ADAMTS6: variants seen among roughly 807,000 people sequenced by gnomAD.
ADAMTS6 encodes the protein A disintegrin and metalloproteinase with thrombospondin motifs 6.
ADAMTS6 carries 23 observed loss-of-function variants against 144.3 expected under a neutral mutation model. That is an observed-to-expected ratio of 0.16 (90% CI 0.11 to 0.23). ADAMTS6 has a LOEUF of 0.23. Among genes scored for constraint, ADAMTS6 ranks in the 10% least tolerant of loss-of-function variants. The pLI, the probability that ADAMTS6 is intolerant of heterozygous loss-of-function variation, is 1.00. For missense variants in ADAMTS6, 999 were observed against 1,379.6 expected (o/e 0.72, Z 4.37); for synonymous variants, 444 against 457.5 (o/e 0.97, Z 0.38).
At chr5:65,247,086 T>G (rs913107385) in intron 14 of ADAMTS6, among the ~76,000 whole-genome samples, 6 of 152,282 alleles carry the variant, frequency 3.9e-5, no homozygotes, top group African/African-American at 1.4e-4. Flanking sequence ...TGACAGATTT[T>G]CAGCCTTCTA....
At chr5:65,169,805 A>G (rs1056794868) in intron 24 of ADAMTS6, among the ~76,000 whole-genome samples, 2 of 150,352 alleles carry the variant, frequency 1.3e-5, no homozygotes, top group Admixed American at 1.3e-4. Flanking sequence ...CAAACACTGC[A>G]TATTCTCACT....
chr5:65,457,815 A>T (rs1759337397), intron 4 of ADAMTS6, among the ~76,000 whole-genome samples: 1 of 138,940 alleles, frequency 7.2e-6, no homozygotes, highest in Non-Finnish European at 1.5e-5. Flanking sequence ...CAACCGCTGC[A>T]TTCAGGGTTC....
chr5:65,179,564 A>C (rs1447060676), intron 22 of ADAMTS6, among the ~76,000 whole-genome samples: 1 of 152,226 alleles, frequency 6.6e-6, no homozygotes, highest in African/African-American at 2.4e-5. Context: ...GAAAGAGGCT[A>C]TATGGCAGAA....
intron 10 of ADAMTS6, chr5:65,297,217 A>T (rs766271868): frequency 2.4e-5 from 11 of 456,138 alleles, no homozygotes; most frequent in Non-Finnish European, 2.2e-5. Flanking sequence ...TTCATGAACC[A>T]CTTATTGAAT....
chr5:65,223,194 G>A (rs1433562051), intron 18 of ADAMTS6, among the ~76,000 whole-genome samples: 1 of 151,844 alleles, frequency 6.6e-6, no homozygotes, highest in Non-Finnish European at 1.5e-5. Flanking sequence ...TTTTTTTCCA[G>A]CTTTGTTGAG....
intron 7 of ADAMTS6, among the ~76,000 whole-genome samples, chr5:65,348,205 C>T (rs999921763): frequency 1.3e-5 from 2 of 152,116 alleles, no homozygotes; most frequent in Admixed American, 6.6e-5. Flanking sequence ...GCTATCTGCA[C>T]TCCCATGTTC....
At chr5:65,371,943 C>A (rs1318356449) in intron 7 of ADAMTS6, among the ~76,000 whole-genome samples, 1 of 152,034 alleles carries the variant, frequency 6.6e-6, no homozygotes, top group Non-Finnish European at 1.5e-5. Flanking sequence ...ACTCTACAAG[C>A]CAGAAGAGAG....
chr5:65,371,693 CT>C (rs1381267756), intron 7 of ADAMTS6, among the ~76,000 whole-genome samples: 4 of 152,170 alleles, frequency 2.6e-5, no homozygotes, highest in Non-Finnish European at 5.9e-5. Context: ...TTGGAAAACA[CT>C]CTGCAGGATA....
intron 3 of ADAMTS6, among the ~76,000 whole-genome samples, chr5:65,462,328 G>C (rs904439380): frequency 6.6e-6 from 1 of 152,160 alleles, no homozygotes; most frequent in Non-Finnish European, 1.5e-5. Flanking sequence ...GTGGGCACAA[G>C]AAAATTGAAA....
intron 7 of ADAMTS6, among the ~76,000 whole-genome samples, chr5:65,405,000 T>C (rs1426085755): frequency 1.3e-5 from 2 of 152,214 alleles, no homozygotes; most frequent in Non-Finnish European, 2.9e-5. Flanking sequence ...TTGTTTGTTT[T>C]CTTCTTGTAA....
intron 15 of ADAMTS6, among the ~76,000 whole-genome samples, chr5:65,231,272 C>G (rs931179380): frequency 2.0e-5 from 3 of 151,800 alleles, no homozygotes; most frequent in African/African-American, 7.3e-5. Flanking sequence ...TAGTCAAAAA[C>G]TGTAATAAGA....
chr5:65,291,248 A>T, intron 11 of ADAMTS6, 81 bp downstream of exon 11: 1 of 1,493,412 alleles, frequency 6.7e-7, no homozygotes, highest in East Asian at 2.3e-5. Flanking sequence ...GGGAACCGAC[A>T]TTCATCGTAA....
At chr5:65,315,042 G>A (rs1202486449) in intron 9 of ADAMTS6, among the ~76,000 whole-genome samples, 2 of 151,796 alleles carry the variant, frequency 1.3e-5, no homozygotes, top group African/African-American at 2.4e-5. Context: ...AAACACTAAG[G>A]CTAAAATAAA....
At chr5:65,474,898 C>T (rs2150290024) in intron 1 of ADAMTS6, among the ~76,000 whole-genome samples, 1 of 148,432 alleles carries the variant, frequency 6.7e-6, no homozygotes, top group South Asian at 2.2e-4. Flanking sequence ...CATAGTTTAA[C>T]AGTTCCTATT....
At chr5:65,339,255 C>T (rs1317574027) in intron 7 of ADAMTS6, among the ~76,000 whole-genome samples, 1 of 152,138 alleles carries the variant, frequency 6.6e-6, no homozygotes, top group Non-Finnish European at 1.5e-5. Context: ...ATGTGAATTA[C>T]AGCTGAAGAA....
At chr5:65,162,875 G>A (rs1329748408) in intron 24 of ADAMTS6, among the ~76,000 whole-genome samples, 1 of 152,118 alleles carries the variant, frequency 6.6e-6, no homozygotes. Context: ...ATCATTTGCT[G>A]GAGTCTTACA....
chr5:65,284,945 G>T (rs1763250105), intron 11 of ADAMTS6, among the ~76,000 whole-genome samples: 1 of 151,956 alleles, frequency 6.6e-6, no homozygotes, highest in African/African-American at 2.4e-5. Context: ...AGTATAAAAA[G>T]AATAAATTCT....
At chr5:65,282,331 GGAATCAATA>G (rs887659723) in intron 11 of ADAMTS6, among the ~76,000 whole-genome samples, 1 of 152,044 alleles carries the variant, frequency 6.6e-6, no homozygotes, top group African/African-American at 2.4e-5. Flanking sequence ...CTAAAGACCT[GGAATCAATA>G]GAAGAGAATG....
chr5:65,255,416 T>C (rs959834294), intron 14 of ADAMTS6, among the ~76,000 whole-genome samples: 3 of 152,046 alleles, frequency 2.0e-5, no homozygotes, highest in African/African-American at 7.2e-5. Flanking sequence ...TTCCACCCTT[T>C]CCCCCAAGCC....
Sources: allele counts gnomAD v4.1 joint callset (sites outside exome capture counted in the v4.1 genomes callset), GRCh38; gene constraint gnomAD v4.1.1; transcripts MANE v1.5; gene names NCBI Gene and HGNC (gene_info 2026-07-23, HGNC 2026-07-21).